MAGI1: variants seen among roughly 807,000 people sequenced by gnomAD.
The protein encoded by MAGI1 is membrane-associated guanylate kinase, WW and PDZ domain-containing protein 1.
Under a neutral mutation model 139.9 loss-of-function variants are expected in MAGI1, and 58 were observed. The ratio of observed to expected loss-of-function variants is 0.41; its 90% CI spans 0.34 to 0.52. MAGI1 has a LOEUF of 0.52. Among genes scored for constraint, MAGI1 ranks in the 20% least tolerant of loss-of-function variants. MAGI1 has a pLI of 0.12. For synonymous variants in MAGI1, 812 were observed against 737.9 expected, an observed-to-expected ratio of 1.10 and a Z score of -1.63; for missense variants, 1,874 against 1,901.6, an observed-to-expected ratio of 0.99 and a Z score of 0.27.
intron 1 of MAGI1, among the ~76,000 whole-genome samples, chr3:65,806,548 T>C (rs1039681345): frequency 1.3e-5 from 2 of 152,224 alleles, no homozygotes; most frequent in Non-Finnish European, 2.9e-5. Flanking sequence ...TTCCATTTTT[T>C]GCCCGTAAGT....
intron 1 of MAGI1, among the ~76,000 whole-genome samples, chr3:65,717,318 T>A (rs933876676): frequency 6.6e-6 from 1 of 152,166 alleles, no homozygotes; most frequent in African/African-American, 2.4e-5. Flanking sequence ...ACATGTCTGA[T>A]GATCACAACT....
At chr3:65,618,047 G>A (rs2083464975) in intron 2 of MAGI1, among the ~76,000 whole-genome samples, 1 of 152,212 alleles carries the variant, frequency 6.6e-6, no homozygotes, top group Admixed American at 6.5e-5. Context: ...AAGCAACGGA[G>A]GACTTCGTGG....
chr3:65,920,701 A>G (rs1576051414), intron 1 of MAGI1, among the ~76,000 whole-genome samples: 2 of 152,276 alleles, frequency 1.3e-5, no homozygotes, highest in South Asian at 4.1e-4. Flanking sequence ...CCCTCCCCCC[A>G]TGGGTTTTAA....
chr3:65,908,208 T>C (rs1575976922), intron 1 of MAGI1, among the ~76,000 whole-genome samples: 1 of 152,172 alleles, frequency 6.6e-6, no homozygotes, highest in African/African-American at 2.4e-5. Context: ...AAAGGTAGTA[T>C]ACGCAGAAAA....
chr3:65,962,525 A>T (rs534447548), intron 1 of MAGI1, among the ~76,000 whole-genome samples: 1 of 152,252 alleles, frequency 6.6e-6, no homozygotes, highest in Admixed American at 6.5e-5. Flanking sequence ...TTGTTACATC[A>T]AAACGTCCAT....
At chr3:65,711,332 T>A (rs2031383186) in intron 1 of MAGI1, among the ~76,000 whole-genome samples, 1 of 152,216 alleles carries the variant, frequency 6.6e-6, no homozygotes, top group South Asian at 2.1e-4. Flanking sequence ...CAGATTTCTT[T>A]GAACAGGCTT....
At chr3:65,965,994 CAGAGAT>C (rs2064721116) in intron 1 of MAGI1, among the ~76,000 whole-genome samples, 4 of 152,280 alleles carry the variant, frequency 2.6e-5, no homozygotes, top group Middle Eastern at 3.4e-3. Context: ...GGTTACTTCT[CAGAGAT>C]AGAAGACGGT....
At chr3:65,980,641 A>T (rs544048747) in intron 1 of MAGI1, among the ~76,000 whole-genome samples, 27 of 151,716 alleles carry the variant, frequency 1.8e-4, no homozygotes, top group African/African-American at 6.3e-4. Flanking sequence ...TGAGGTGCAG[A>T]CTGGTTAAAT....
intron 1 of MAGI1, among the ~76,000 whole-genome samples, chr3:65,748,296 C>T (rs1313186530): frequency 6.6e-6 from 1 of 152,160 alleles, no homozygotes; most frequent in African/African-American, 2.4e-5. Context: ...TAAGCAGGCC[C>T]CATGCCCACT....
intron 1 of MAGI1, among the ~76,000 whole-genome samples, chr3:65,877,840 C>T (rs1232644928): frequency 6.6e-6 from 1 of 152,100 alleles, no homozygotes; most frequent in African/African-American, 2.4e-5. Context: ...AGGCATGTGG[C>T]TCATGTCTGT....
chr3:65,754,325 A>G (rs1042291798), intron 1 of MAGI1, among the ~76,000 whole-genome samples: 5 of 152,214 alleles, frequency 3.3e-5, no homozygotes, highest in Non-Finnish European at 1.5e-5. Flanking sequence ...GGAAAAAAAT[A>G]ATGAGCTAAT....
chr3:66,020,752 G>T (rs986572612), intron 1 of MAGI1, among the ~76,000 whole-genome samples: 2 of 152,060 alleles, frequency 1.3e-5, no homozygotes, highest in African/African-American at 4.8e-5. Context: ...CAACCTCGGG[G>T]TAACACAGAG....
chr3:65,610,993 A>G (rs1298036444), intron 2 of MAGI1, among the ~76,000 whole-genome samples: 1 of 130,468 alleles, frequency 7.7e-6, no homozygotes, highest in East Asian at 2.2e-4. Flanking sequence ...GATAGTATAT[A>G]TACTATATAC....
chr3:65,689,499 C>G (rs55697903), intron 1 of MAGI1, among the ~76,000 whole-genome samples: 20,084 of 152,202 alleles, frequency 0.13, 2,063 homozygotes, highest in East Asian at 0.43. Flanking sequence ...CCACTCCAAT[C>G]TCCTAGTTCT....
At chr3:65,925,611 TA>T (rs2062459845) in intron 1 of MAGI1, among the ~76,000 whole-genome samples, 1 of 152,186 alleles carries the variant, frequency 6.6e-6, no homozygotes, top group Non-Finnish European at 1.5e-5. Context: ...GTTAGATTGA[TA>T]AAAATAAAGA....
intron 1 of MAGI1, among the ~76,000 whole-genome samples, chr3:65,801,758 A>G (rs1164458247): frequency 1.3e-5 from 2 of 152,224 alleles, no homozygotes; most frequent in Non-Finnish European, 2.9e-5. Context: ...GCATAGAAAC[A>G]AAAACTTTTC....
At chr3:65,518,393 C>A (rs965319892) in intron 2 of MAGI1, among the ~76,000 whole-genome samples, 3 of 152,130 alleles carry the variant, frequency 2.0e-5, no homozygotes, top group Non-Finnish European at 4.4e-5. Flanking sequence ...CAGTGACTAG[C>A]GCAGGCTAGG....
chr3:65,922,952 C>A (rs548692800), intron 1 of MAGI1, among the ~76,000 whole-genome samples: 15 of 150,056 alleles, frequency 1.0e-4, no homozygotes, highest in African/African-American at 3.2e-4. Context: ...ACATTTTTTT[C>A]TTGATAACAG....
chr3:65,694,323 G>C (rs182172160), intron 1 of MAGI1, among the ~76,000 whole-genome samples: 10 of 152,200 alleles, frequency 6.6e-5, no homozygotes, highest in Non-Finnish European at 1.3e-4. Flanking sequence ...ATCACTTAAT[G>C]TTTCCATGCC....
Sources: allele counts gnomAD v4.1 joint callset (sites outside exome capture counted in the v4.1 genomes callset), GRCh38; gene constraint gnomAD v4.1.1; transcripts MANE v1.5; gene names NCBI Gene and HGNC (gene_info 2026-07-23, HGNC 2026-07-21).